The following PCED1B variants were observed in gnomAD, a reference collection of about 807,000 sequenced individuals.
PCED1B encodes PC-esterase domain containing 1B, also known as PC-esterase domain-containing protein 1B.
For synonymous variants in PCED1B, 251 were observed against 246.1 expected, an observed-to-expected ratio of 1.02 and a Z score of -0.19; for missense variants, 573 against 573.9, an observed-to-expected ratio of 1.00 and a Z score of 0.02.
chr12:47,217,728 C>T (rs1165696201), intron 3 of PCED1B, among the ~76,000 whole-genome samples: 1 of 151,970 alleles, frequency 6.6e-6, no homozygotes, highest in African/African-American at 2.4e-5. Context: ...AGGCACGCGA[C>T]ACCACTCCCA....
intron 2 of PCED1B, among the ~76,000 whole-genome samples, chr12:47,152,020 AT>A (rs1403134231): frequency 2.0e-5 from 3 of 152,252 alleles, no homozygotes; most frequent in Admixed American, 6.5e-5. Context: ...TAAATTATTT[AT>A]TCAATTCTTC....
At chr12:47,088,999 G>A (rs577704383) in intron 1 of PCED1B, among the ~76,000 whole-genome samples, 26 of 152,118 alleles carry the variant, frequency 1.7e-4, no homozygotes, top group Non-Finnish European at 3.5e-4. Context: ...TAATATGTTT[G>A]TTTGTAGGGG....
At chr12:47,138,139 T>C (rs1286009250) in intron 2 of PCED1B, 1 of 152,228 alleles carries the variant, frequency 6.6e-6, no homozygotes, top group African/African-American at 2.4e-5. Flanking sequence ...TACTGTTCAA[T>C]AGGTAGCAAT....
chr12:47,177,135 G>A lies in PCED1B; in HGVS notation c.-525-39087G>A, dbSNP rs142695234. ...AGTAGCTTAGGCTGTGTTCATCCTG[G>A]CTCTGGAGGACAGGGAAGGGGATGC... On this transcript the variant is annotated intron_variant, in intron 2 of 3. Coordinates refer to ENST00000546455, the MANE Select transcript of PCED1B (RefSeq NM_138371.3). 2.0e-3 allele frequency among the ~76,000 whole-genome samples: 308 copies of A among 152,246 alleles called. 6 individuals carry two copies. The highest frequency in any genetic ancestry group is 0.014 in the Admixed American group (210 of 15,308).
chr12:47,214,833 C>A (rs1943200527), intron 2 of PCED1B, among the ~76,000 whole-genome samples: 1 of 152,134 alleles, frequency 6.6e-6, no homozygotes, highest in African/African-American at 2.4e-5. Flanking sequence ...ACTCTTGTGT[C>A]TGCAGTTGCT....
chr12:47,191,800 T>C (rs750758062), intron 2 of PCED1B, among the ~76,000 whole-genome samples: 39 of 144,896 alleles, frequency 2.7e-4, no homozygotes, highest in Non-Finnish European at 4.9e-4. Context: ...TTTTGTTTTG[T>C]TGTGTTGTGC....
intron 1 of PCED1B, among the ~76,000 whole-genome samples, chr12:47,085,771 A>T (rs1450094231): frequency 1.3e-5 from 2 of 152,202 alleles, no homozygotes; most frequent in Admixed American, 6.5e-5. Flanking sequence ...ACATCCTATT[A>T]TTCTAGAGTC....
chr12:47,123,525 A>G (rs1939765077), intron 2 of PCED1B, among the ~76,000 whole-genome samples: 1 of 152,146 alleles, frequency 6.6e-6, no homozygotes, highest in Non-Finnish European at 1.5e-5. Context: ...TCATAGAATC[A>G]ACAAAACAAT....
intron 2 of PCED1B, among the ~76,000 whole-genome samples, chr12:47,125,073 G>C (rs555016766): frequency 1.3e-5 from 2 of 151,938 alleles, no homozygotes; most frequent in Non-Finnish European, 2.9e-5. Context: ...TGTCAAACCT[G>C]AGAAATCTTT....
intron 2 of PCED1B, among the ~76,000 whole-genome samples, chr12:47,151,198 T>C (rs1402213426): frequency 6.6e-6 from 1 of 151,914 alleles, no homozygotes; most frequent in Non-Finnish European, 1.5e-5. Flanking sequence ...ATAACAACAT[T>C]TTAGTCAATG....
intron 2 of PCED1B, among the ~76,000 whole-genome samples, chr12:47,127,913 A>G (rs1179853498): frequency 6.6e-6 from 1 of 152,106 alleles, no homozygotes; most frequent in East Asian, 1.9e-4. Context: ...TTTCCTGTCT[A>G]TATGTTTCAA....
chr12:47,094,213 C>G (rs112799867), intron 1 of PCED1B, among the ~76,000 whole-genome samples: 9 of 152,068 alleles, frequency 5.9e-5, no homozygotes, highest in African/African-American at 1.9e-4. Flanking sequence ...TGTTTCTTGC[C>G]TTACAGTTCA....
intron 2 of PCED1B, among the ~76,000 whole-genome samples, chr12:47,189,279 A>G (rs1489441382): frequency 1.3e-5 from 2 of 152,142 alleles, no homozygotes; most frequent in Non-Finnish European, 2.9e-5. Context: ...TGCAAAGTGG[A>G]AAAATGTGTC....
intron 2 of PCED1B, among the ~76,000 whole-genome samples, chr12:47,145,765 T>C (rs1023083257): frequency 4.6e-5 from 7 of 152,222 alleles, no homozygotes; most frequent in African/African-American, 1.7e-4. Flanking sequence ...CCTTTTACAA[T>C]ATTACTGCTT....
At chr12:47,087,402 C>T (rs553574645) in intron 1 of PCED1B, among the ~76,000 whole-genome samples, 3 of 152,276 alleles carry the variant, frequency 2.0e-5, no homozygotes, top group Non-Finnish European at 1.5e-5. Context: ...AGAAATCTGC[C>T]TTGCTCTGGA....
chr12:47,140,450 T>C (rs1815953925), intron 2 of PCED1B, among the ~76,000 whole-genome samples: 2 of 152,204 alleles, frequency 1.3e-5, no homozygotes, highest in African/African-American at 4.8e-5. Context: ...TGCCAAGAAA[T>C]ACATATATCA....
rs538337188 is a variant in PCED1B at position 47,089,058 on chromosome 12, A to G, written c.-609+9333A>G. Among the ~76,000 whole-genome samples the G allele has an allele frequency of 3.7e-4, 56 of 152,132 alleles. 1 individual carries two copies. The highest frequency in any genetic ancestry group is 7.8e-4 in the Non-Finnish European group (53 of 68,026). ...AGGGTCTTCAGACAGGGCCGTCTTT[A>G]TAACATTGACTTAGCCCAGCTTGAC... On this transcript the variant is annotated intron_variant, in intron 1 of 3. Transcript: ENST00000546455.
intron 2 of PCED1B, among the ~76,000 whole-genome samples, chr12:47,185,211 A>C (rs562792282): frequency 3.9e-5 from 6 of 152,342 alleles, no homozygotes; most frequent in African/African-American, 1.4e-4. Flanking sequence ...CTTATTTGGA[A>C]TGCAAATGTA....
At chr12:47,219,594 T>C (rs973490957) in intron 3 of PCED1B, among the ~76,000 whole-genome samples, 11 of 152,232 alleles carry the variant, frequency 7.2e-5, no homozygotes, top group Non-Finnish European at 1.5e-4. Context: ...AACACAAATA[T>C]AGCTTTAGTG....
Sources: allele counts gnomAD v4.1 joint callset (sites outside exome capture counted in the v4.1 genomes callset), GRCh38; gene constraint gnomAD v4.1.1; transcripts MANE v1.5; gene names NCBI Gene and HGNC (gene_info 2026-07-23, HGNC 2026-07-21).